RHOBTB1: variants seen among roughly 807,000 people sequenced by gnomAD.
RHOBTB1 encodes Rho related BTB domain containing 1, also known as rho-related BTB domain-containing protein 1.
In RHOBTB1, 40 loss-of-function variants were observed where a neutral mutation model predicts 71.6. That is an observed-to-expected ratio of 0.56 (90% CI 0.43 to 0.73). RHOBTB1 has a LOEUF of 0.73. Among genes scored for constraint, RHOBTB1 ranks in the 30% least tolerant of loss-of-function variants. RHOBTB1 has a pLI of 0.00. For missense variants in RHOBTB1, 797 were observed against 894.0 expected (o/e 0.89, Z 1.38); for synonymous variants, 319 against 334.9 (o/e 0.95, Z 0.52).
intron 2 of RHOBTB1, among the ~76,000 whole-genome samples, chr10:60,923,120 A>G (rs768600511): frequency 9.9e-5 from 15 of 152,204 alleles, no homozygotes; most frequent in Non-Finnish European, 1.6e-4. Flanking sequence ...ATATACTTCA[A>G]TCCTTGGCCT....
chr10:60,946,741 C>CA (rs1469828197), upstream of RHOBTB1, among the ~76,000 whole-genome samples: 1 of 152,150 alleles, frequency 6.6e-6, no homozygotes. Flanking sequence ...GAAAGACACA[C>CA]AAAGACCCCA....
chr10:60,894,791 T>C (rs2082084765), intron 4 of RHOBTB1, among the ~76,000 whole-genome samples: 4 of 152,230 alleles, frequency 2.6e-5, no homozygotes, highest in African/African-American at 9.6e-5. Context: ...ATAATATGTA[T>C]AAAATAGTTC....
intron 2 of RHOBTB1, among the ~76,000 whole-genome samples, chr10:60,984,705 C>T (rs2086606286): frequency 6.6e-6 from 1 of 152,116 alleles, no homozygotes; most frequent in African/African-American, 2.4e-5. Flanking sequence ...TAATTTGGGA[C>T]TTCAATAAAT....
intron 6 of RHOBTB1, 149 bp downstream of exon 6, chr10:60,888,063 G>A: frequency 1.1e-6 from 1 of 898,002 alleles, no homozygotes; most frequent in South Asian, 1.8e-5. Flanking sequence ...GATTAAAGAA[G>A]TTAATGCCTG....
At chr10:60,985,312 CT>C (rs1422083018) in intron 2 of RHOBTB1, among the ~76,000 whole-genome samples, 1 of 151,954 alleles carries the variant, frequency 6.6e-6, no homozygotes, top group African/African-American at 2.4e-5. Context: ...TAATGTGGAC[CT>C]TTTTTCAAAA....
intron 2 of RHOBTB1, among the ~76,000 whole-genome samples, chr10:60,976,953 C>A (rs1316885095): frequency 6.6e-6 from 1 of 151,934 alleles, no homozygotes; most frequent in African/African-American, 2.4e-5. Flanking sequence ...GAAACTTTTG[C>A]ATGTGGAATT....
At chr10:60,962,247 T>A (rs1029070529) in intron 2 of RHOBTB1, among the ~76,000 whole-genome samples, 2 of 152,184 alleles carry the variant, frequency 1.3e-5, no homozygotes, top group African/African-American at 4.8e-5. Flanking sequence ...TAATTCTTTG[T>A]TGGAACTAAA....
chr10:60,906,287 T>A (rs1010767948), intron 4 of RHOBTB1, among the ~76,000 whole-genome samples: 1 of 152,234 alleles, frequency 6.6e-6, no homozygotes, highest in Non-Finnish European at 1.5e-5. Context: ...AAAGGACTCA[T>A]GCTCCGCTAC....
chr10:60,872,152 A>G, intron 10 of RHOBTB1, 33 bp downstream of exon 10: 1 of 1,452,154 alleles, frequency 6.9e-7, no homozygotes, highest in Non-Finnish European at 9.7e-7. Context: ...AGGTGAGGAG[A>G]GCTGGATGAA....
chr10:60,944,450 G>A (rs534506317), upstream of RHOBTB1, among the ~76,000 whole-genome samples: 3 of 152,294 alleles, frequency 2.0e-5, no homozygotes, highest in East Asian at 3.9e-4. Context: ...ACGCAGACCC[G>A]ACGGGCCCGG....
chr10:60,866,090 C>T (rs560845182), downstream of RHOBTB1, among the ~76,000 whole-genome samples: 1 of 152,282 alleles, frequency 6.6e-6, no homozygotes, highest in East Asian at 1.9e-4. Context: ...CCTTGGTCTC[C>T]CAAAGTGCTG....
At chr10:60,895,404 T>A (rs2082113685) in intron 4 of RHOBTB1, among the ~76,000 whole-genome samples, 1 of 152,212 alleles carries the variant, frequency 6.6e-6, no homozygotes, top group Non-Finnish European at 1.5e-5. Flanking sequence ...AAGATTATTT[T>A]TTATTTATTT....
At chr10:60,910,327 T>A (rs1290383874) in intron 4 of RHOBTB1, among the ~76,000 whole-genome samples, 1 of 152,276 alleles carries the variant, frequency 6.6e-6, no homozygotes, top group East Asian at 1.9e-4. Context: ...TTCTCCTTTT[T>A]AAAAAAATAA....
intron 3 of RHOBTB1, 147 bp downstream of exon 3, chr10:60,911,204 T>G: frequency 1.2e-6 from 1 of 854,348 alleles, no homozygotes; most frequent in Admixed American, 2.8e-5. Context: ...CCGGTTTGCA[T>G]TTTGCTTTTG....
At chr10:60,999,752 TC>T (rs2087190961) in intron 1 of RHOBTB1, among the ~76,000 whole-genome samples, 2 of 152,218 alleles carry the variant, frequency 1.3e-5, no homozygotes, top group South Asian at 4.1e-4. Flanking sequence ...CTGCATGCCC[TC>T]CCTGTTAGGG....
intron 4 of RHOBTB1, among the ~76,000 whole-genome samples, chr10:60,904,937 A>C (rs2082589460): frequency 6.6e-6 from 1 of 152,174 alleles, no homozygotes; most frequent in Non-Finnish European, 1.5e-5. Flanking sequence ...ATAATTTTCC[A>C]AGACCTCTTG....
intron 2 of RHOBTB1, among the ~76,000 whole-genome samples, chr10:60,940,683 C>A (rs2084854061): frequency 6.6e-6 from 1 of 152,214 alleles, no homozygotes; most frequent in African/African-American, 2.4e-5. Context: ...ACTACATAAT[C>A]TCTCCCTGTT....
intron 2 of RHOBTB1, among the ~76,000 whole-genome samples, chr10:60,925,690 AGACCC>A (rs2083834734): frequency 6.6e-6 from 1 of 152,176 alleles, no homozygotes; most frequent in Non-Finnish European, 1.5e-5. Context: ...AAAAAAAAGA[AGACCC>A]GAATAAATAA....
At chr10:60,954,146 T>C (rs75411013) in intron 2 of RHOBTB1, among the ~76,000 whole-genome samples, 51 of 152,306 alleles carry the variant, frequency 3.3e-4, no homozygotes, top group African/African-American at 1.1e-3. Flanking sequence ...ATATAGACCA[T>C]TGGCTTGAAA....
Sources: gnomAD v4.1 joint callset for allele counts (sites outside exome capture counted in the v4.1 genomes callset) on GRCh38, gnomAD v4.1.1 for gene constraint, MANE v1.5 for transcripts, NCBI Gene and HGNC (gene_info 2026-07-23, HGNC 2026-07-21) for gene names.